The following MYLK variants were observed in gnomAD, a reference collection of about 807,000 sequenced individuals.
The protein encoded by MYLK is myosin light chain kinase, smooth muscle.
MYLK carries 106 observed loss-of-function variants against 203.4 expected under a neutral mutation model. The ratio of observed to expected loss-of-function variants is 0.52; its 90% confidence interval spans 0.45 to 0.61. MYLK has a LOEUF of 0.61. MYLK is among the 20% of genes least tolerant of loss of function. MYLK has a pLI of 0.00. For synonymous variants in MYLK, 867 were observed against 959.5 expected (o/e 0.90, Z 1.78); for missense variants, 2,072 against 2,442.3 (o/e 0.85, Z 3.20).
At chr3:123,811,669 G>A (rs182159975) in intron 3 of MYLK, among the ~76,000 whole-genome samples, 19 of 152,128 alleles carry the variant, frequency 1.2e-4, no homozygotes, top group Non-Finnish European at 2.6e-4. Flanking sequence ...GCTCTCTCTC[G>A]CCAACAGTAA....
rs147368561 is a variant in MYLK, at chr3:123,853,318, A to G, written c.-126-21648T>C. ...AACTATGGAAAGAAAGACAGATGAG[A>G]GAGGGACTCAGCTGCACTATTTCTT... is the stretch of plus-strand genomic sequence containing the variant. On this transcript the variant is annotated intron_variant, in intron 2 of 33. Transcript: ENST00000360304. Among the ~76,000 whole-genome samples, 433 of 152,246 alleles carry G rather than the reference A, an allele frequency of 2.8e-3. 5 individuals are homozygous for G. The highest frequency in any genetic ancestry group is 9.7e-3 in the African/African-American group (403 of 41,562).
At chr3:123,756,005 T>C (rs2063347518) in intron 4 of MYLK, among the ~76,000 whole-genome samples, 1 of 152,108 alleles carries the variant, frequency 6.6e-6, no homozygotes, top group East Asian at 1.9e-4. Flanking sequence ...ACCAACAATG[T>C]CCACAACAGC....
At chr3:123,694,424 T>G (rs1457269016) in intron 18 of MYLK, among the ~76,000 whole-genome samples, 1 of 152,052 alleles carries the variant, frequency 6.6e-6, no homozygotes, top group African/African-American at 2.4e-5. Flanking sequence ...AGGATAACCA[T>G]GTCCTGGAGA....
rs775216350 is a variant in MYLK, at chr3:123,700,219, C to T, written c.3249G>A (p.Gly1083=). Residue 1083 remains glycine (G), a synonymous_variant, in exon 18 of 34, where the codon GGG becomes GGA. Coordinates refer to ENST00000360304, the MANE Select transcript of MYLK (RefSeq NM_053025.4). ...NDVNCKRGHA[G]TTDNEKRSES... Reference sequence around the variant, plus strand: ...CTGATCTCTTTTCATTATCTGTGGTCCCTGCATGGCCTCTCTTGCAGTTCA... The same window carrying T: ...CTGATCTCTTTTCATTATCTGTGGTTCCTGCATGGCCTCTCTTGCAGTTCA... 2.5e-6 allele frequency: 4 copies of T among 1,613,912 alleles called. No homozygotes were observed. Among genetic ancestry groups the T allele is most frequent in the Non-Finnish European group, 3.4e-6 (4 of 1,179,998 alleles).
At chr3:123,799,791 A>G (rs2065128382) in intron 3 of MYLK, 1 of 152,368 alleles carries the variant, frequency 6.6e-6, no homozygotes, top group Non-Finnish European at 1.5e-5. Flanking sequence ...GACCTACCGG[A>G]GCAAAGCTGG....
intron 4 of MYLK, among the ~76,000 whole-genome samples, chr3:123,753,847 C>T (rs2063282474): frequency 6.6e-6 from 1 of 152,140 alleles, no homozygotes; most frequent in Admixed American, 6.5e-5. Context: ...ACAGTGGTAG[C>T]AATAGTTTTA....
At chr3:123,618,393 T>G in intron 33 of MYLK, 4 of 500,400 alleles carry the variant, frequency 8.0e-6, no homozygotes, top group Non-Finnish European at 1.1e-5. Flanking sequence ...TAGTGGCTGA[T>G]GTAAGTAGGT....
At chr3:123,651,162 A>C (rs2059199322) in intron 24 of MYLK, among the ~76,000 whole-genome samples, 1 of 152,122 alleles carries the variant, frequency 6.6e-6, no homozygotes, top group African/African-American at 2.4e-5. Flanking sequence ...CTTTAAAGAG[A>C]ATCACACAAT....
intron 3 of MYLK, among the ~76,000 whole-genome samples, chr3:123,815,506 C>T (rs1042376021): frequency 2.0e-5 from 3 of 152,196 alleles, no homozygotes; most frequent in African/African-American, 7.2e-5. Context: ...CCAGTATAAT[C>T]CTGCCAGTGG....
intron 31 of MYLK, chr3:123,622,705 A>G (rs1057418228): frequency 2.6e-5 from 4 of 152,258 alleles, no homozygotes; most frequent in African/African-American, 4.8e-5. Flanking sequence ...TTTCTAAAAC[A>G]TAGAAAAATA....
At chr3:123,748,456 A>G (rs1054999229) in intron 5 of MYLK, among the ~76,000 whole-genome samples, 3 of 152,172 alleles carry the variant, frequency 2.0e-5, no homozygotes, top group African/African-American at 7.2e-5. Context: ...GTTTATTCCT[A>G]TTCAGGTGGC....
rs577744799 is a variant in MYLK, at chr3:123,716,824, A to C, written c.1804+5304T>G. Among the ~76,000 whole-genome samples, 12 of 152,324 alleles carry C rather than the reference A, an allele frequency of 7.9e-5. No homozygotes were observed. The East Asian group carries it at 2.3e-3, about 29-fold the overall frequency. On this transcript the variant is annotated intron_variant, in intron 13 of 33. Transcript: ENST00000360304. The stretch of plus-strand genomic sequence containing the variant: ...AGTTATAAAGCTCTATAATGGCCCT[A>C]TTAGTAAAATGAGGCTCAAATTCTA...
At chr3:123,636,366 G>A (rs1312546766) in intron 29 of MYLK, among the ~76,000 whole-genome samples, 1 of 152,246 alleles carries the variant, frequency 6.6e-6, no homozygotes, top group African/African-American at 2.4e-5. Context: ...GGTTTGTTGT[G>A]AGCATCAAAC....
intron 4 of MYLK, among the ~76,000 whole-genome samples, chr3:123,764,487 A>G (rs2063639012): frequency 6.6e-6 from 1 of 152,210 alleles, no homozygotes; most frequent in South Asian, 2.1e-4. Context: ...TGGGTACAGC[A>G]ACGAAGTCTG....
intron 5 of MYLK, among the ~76,000 whole-genome samples, chr3:123,747,023 C>T (rs1250918435): frequency 1.3e-5 from 2 of 152,166 alleles, no homozygotes; most frequent in Admixed American, 1.3e-4. Context: ...TAATTTAAAA[C>T]TCAGCCAGTA....
chr3:123,837,641 TC>T (rs1359230493), intron 2 of MYLK, among the ~76,000 whole-genome samples: 1 of 151,824 alleles, frequency 6.6e-6, no homozygotes, highest in African/African-American at 2.4e-5. Context: ...ACTGATCACC[TC>T]AATGAATTTA....
chr3:123,635,216 G>A (rs1285259474), intron 29 of MYLK, among the ~76,000 whole-genome samples: 1 of 152,250 alleles, frequency 6.6e-6, no homozygotes, highest in Non-Finnish European at 1.5e-5. Context: ...CCAAAGAGAG[G>A]GATAGAGTGG....
intron 31 of MYLK, 73 bp downstream of exon 31, chr3:123,626,745 C>T (rs954672487): frequency 8.1e-6 from 13 of 1,610,000 alleles, no homozygotes; most frequent in Admixed American, 1.7e-5. Context: ...CCAGGGCAAG[C>T]TGGGAATGAA....
At chr3:123,716,364 T>C (rs2061894464) in intron 13 of MYLK, 1 of 152,324 alleles carries the variant, frequency 6.6e-6, no homozygotes, top group African/African-American at 2.4e-5. Flanking sequence ...GTCAGCAAAA[T>C]GGCTACTTTG....
Sources: gnomAD v4.1 joint callset for allele counts (sites outside exome capture counted in the v4.1 genomes callset) on GRCh38, gnomAD v4.1.1 for gene constraint, MANE v1.5 for transcripts, NCBI Gene and HGNC (gene_info 2026-07-23, HGNC 2026-07-21) for gene names.